BRS3: variants seen among roughly 807,000 people sequenced by gnomAD.
BRS3 encodes the protein bombesin receptor subtype 3.
A neutral mutation model predicts 18.8 loss-of-function variants in BRS3; 5 were observed. The observed-to-expected ratio is 0.27, with a 90% CI of 0.14 to 0.56. The LOEUF is 0.56. Ranked by LOEUF, BRS3 falls within the 20% of genes least tolerant of loss-of-function variation. The pLI, the probability that BRS3 is intolerant of heterozygous loss-of-function variation, is 0.93. For missense variants in BRS3, 215 were observed against 296.3 expected (o/e 0.73, Z 2.01); for synonymous variants, 121 against 115.0 (o/e 1.05, Z -0.33).
rs1211300069 is a variant in BRS3 at position 136,493,427 on chromosome X, A to C, written c.*1052A>C. ...CACTTGTTAATAATTATTGTTTTAA[A>C]AAAAAAAACTCTTGTCAATAGACGT... On this transcript the variant is annotated 3_prime_UTR_variant, in exon 3 of 3. Transcript: ENST00000370648. 1 of 111,923 alleles carries C rather than the reference A, an allele frequency of 8.9e-6. No individual in the cohort carries two copies. The highest frequency in any genetic ancestry group is 1.9e-5 in the Non-Finnish European group (1 of 53,206). 9.2% of individuals were successfully genotyped at this position (111,923 alleles called of 1,213,427 possible). A position where few individuals can be genotyped will look rare whatever the true frequency, so the allele number is the denominator to read the frequency against.
Position 136,491,913 on chromosome X carries a change from G to GGTTTTTTTTT in BRS3, c.787-49_787-48insGTTTTTTTTT, listed in dbSNP as rs2075670791. On this transcript the variant is annotated intron_variant, in intron 2 of 2. Coordinates refer to ENST00000370648, the MANE Select transcript of BRS3 (RefSeq NM_001727.2). ...TTTTTTTGTTGTTGTTGTTTTTTGT[G>GGTTTTTTTTT]TTTTTTTTTTTTTTTTTTTTTTTTT... 7 of 436,964 alleles carry GGTTTTTTTTT rather than the reference G, an allele frequency of 1.6e-5. No homozygotes were observed. The African/African-American group carries it at 3.2e-4, about 20-fold the overall frequency. 36.0% of individuals were successfully genotyped at this position (436,964 alleles called of 1,213,427 possible).
In BRS3 at chrX:136,492,681, T is replaced by A. The variant is rs1444079740; in HGVS notation, c.*306T>A. 1 of 215,650 alleles carries A rather than the reference T, an allele frequency of 4.6e-6. No homozygotes were observed. The highest frequency in any genetic ancestry group is 8.4e-6 in the Non-Finnish European group (1 of 119,697). 17.8% of individuals were successfully genotyped at this position (215,650 alleles called of 1,213,427 possible). On this transcript the variant is annotated 3_prime_UTR_variant, in exon 3 of 3. Coordinates refer to ENST00000370648, the MANE Select transcript of BRS3 (RefSeq NM_001727.2). ...TAATAAACAAGATGAAACTTAAAAA[T>A]CTCATTTGTTGTTTAATCACATCTG...
chrX:136,491,924 T>G (rs779944493), intron 2 of BRS3, 38 bp from the exon 3 acceptor site: 8 of 638,536 alleles, frequency 1.3e-5, no homozygotes, highest in Admixed American at 7.3e-5. Flanking sequence ...TTTTTTTTTT[T>G]TTTTTTTTTT....
Position 136,488,047 on chromosome X carries a change from T to C in BRS3, c.-68T>C. On this transcript the variant is annotated 5_prime_UTR_variant, in exon 1 of 3. Transcript: ENST00000370648. ...ACCATCTCGTTACTAGACGTAGGCATTGGACGTGACAATCAACTGCATTTG... is the reference window on the plus strand; with the variant it reads ...ACCATCTCGTTACTAGACGTAGGCACTGGACGTGACAATCAACTGCATTTG... The C allele has an allele frequency of 9.7e-7, 1 of 1,035,167 alleles. No individual in the cohort carries two copies. 85.3% of individuals were successfully genotyped at this position (1,035,167 alleles called of 1,213,427 possible). A position where few individuals can be genotyped will look rare whatever the true frequency, so the allele number is the denominator to read the frequency against.
At position 136,492,186 on chromosome X, in the gene BRS3, C is replaced by G. The variant is rs1412995876; in HGVS notation, c.1011C>G (p.Phe337Leu). 8.3e-7 allele frequency: 1 copy of G among 1,211,550 alleles called. No individual in the cohort carries two copies. Among genetic ancestry groups the G allele is most frequent in the Admixed American group, 2.2e-5 (1 of 46,016 alleles). ...CTCTCTACTGGCTGAGCAAAAGCTT[C>G]CAGAAGCATTTTAAAGCTCAGTTGT... ...PFALYWLSKS[F>L]QKHFKAQLFC... Residue 337 changes from phenylalanine (F) to leucine (L), a missense_variant, in exon 3 of 3, where the codon TTC (phenylalanine) becomes TTG (leucine). This residue lies in a region of BRS3 where 123 missense variants were observed against 207.6 expected (regional missense o/e 0.59). Transcript: ENST00000370648.
In BRS3 at chrX:136,492,296, C is replaced by G. The variant is rs915047487; in HGVS notation, c.1121C>G (p.Thr374Ser). Residue 374 changes from threonine to serine, a missense_variant, in exon 3 of 3, where the codon ACT becomes AGT. Around this residue, in one of 3 missense-constraint regions of BRS3, gnomAD observed 45 missense variants for 45.5 expected, o/e 0.99. Coordinates refer to ENST00000370648, the MANE Select transcript of BRS3 (RefSeq NM_001727.2). ...TLAVMGTVPG[T>S]GSIQMSEISV... ...GCTGTGATGGGAACGGTCCCGGGCA[C>G]TGGGAGCATACAGATGTCTGAAATT... The G allele has an allele frequency of 8.3e-7, 1 of 1,211,471 alleles. No individual in the cohort carries two copies. Among genetic ancestry groups the G allele is most frequent in the Non-Finnish European group, 1.1e-6 (1 of 895,442 alleles).
Position 136,492,419 on chromosome X carries a change from C to T in BRS3, c.*44C>T, listed in dbSNP as rs750097044. Reference sequence around the variant, plus strand: ...TGCTTCTCCTCCCAGCGTGTGTATCCGACTCTAAGCTGTGTGCAGGTGTAT... The same window carrying T: ...TGCTTCTCCTCCCAGCGTGTGTATCTGACTCTAAGCTGTGTGCAGGTGTAT... On this transcript the variant is annotated 3_prime_UTR_variant, in exon 3 of 3. Coordinates refer to ENST00000370648, the MANE Select transcript of BRS3 (RefSeq NM_001727.2). 3.8e-5 allele frequency: 43 copies of T among 1,142,145 alleles called. No homozygotes were observed. Among genetic ancestry groups the T allele is most frequent in the South Asian group, 6.0e-5 (3 of 49,870 alleles). The allele number at this position is 1,142,145 out of a possible 1,213,427, so 94.1% of individuals were successfully genotyped here.
rs1302999598 is a variant in BRS3 at position 136,488,459 on chromosome X, C to T, written c.345C>T (p.Phe115=). ...ATHYLAEGWL[F]GRIGCKVLSF... Reference sequence around the variant, plus strand: ...ACTACCTTGCAGAAGGATGGCTGTTCGGAAGAATTGGTTGTAAGGTGCTCT... The same window carrying T: ...ACTACCTTGCAGAAGGATGGCTGTTTGGAAGAATTGGTTGTAAGGTGCTCT... The change falls in exon 1 of 3, where the codon TTC becomes TTT. Residue 115 remains phenylalanine, a synonymous_variant. Transcript: ENST00000370648. The T allele has an allele frequency of 5.0e-6, 6 of 1,211,745 alleles. No individual in the cohort carries two copies. In the Admixed American group the frequency reaches 6.5e-5, roughly 13 times the overall value.
rs766182965 is a variant in BRS3 at position 136,488,091 on chromosome X, T to C, written c.-24T>C. ...GCATTTGAACTGAGAAGAAGAAATATTAAAGACACAGTCTTCAGAAGAAAT... is the reference window on the plus strand; with the variant it reads ...GCATTTGAACTGAGAAGAAGAAATACTAAAGACACAGTCTTCAGAAGAAAT... On this transcript the variant is annotated 5_prime_UTR_variant, in exon 1 of 3. Coordinates refer to ENST00000370648, the MANE Select transcript of BRS3 (RefSeq NM_001727.2). The C allele has an allele frequency of 8.6e-7, 1 of 1,167,183 alleles. No homozygotes were observed. The highest frequency in any genetic ancestry group is 1.1e-6 in the Non-Finnish European group (1 of 873,276).
intron 1 of BRS3, among the ~76,000 whole-genome samples, chrX:136,489,094 T>C (rs2075661444): frequency 8.9e-6 from 1 of 112,366 alleles, no homozygotes; most frequent in Non-Finnish European, 1.9e-5. Context: ...CACGTAATTC[T>C]ACTTGTTTTC....
chrX:136,489,346 T>C (rs1335878271), intron 1 of BRS3, among the ~76,000 whole-genome samples: 1 of 111,647 alleles, frequency 9.0e-6, no homozygotes, highest in African/African-American at 3.3e-5. Flanking sequence ...GCCTGCAAGA[T>C]TCCTGTAAGT....
Position 136,490,154 on chromosome X carries a change from A to G in BRS3, c.456A>G (p.Pro152=). The G allele has an allele frequency of 8.3e-7, 1 of 1,198,333 alleles. No individual in the cohort carries two copies. The highest frequency in any genetic ancestry group is 1.1e-6 in the Non-Finnish European group (1 of 886,405). Residue 152 remains proline (P), a synonymous_variant, in exon 2 of 3, where the codon CCA becomes CCG. Transcript: ENST00000370648. ...CTAGATACAAGGCAGTTGTGAAGCC[A>G]CTTGAGCGACAGCCCTCCAATGCCA... ...SADRYKAVVK[P]LERQPSNAIL...
rs1475176106 is a variant in BRS3, at chrX:136,488,541, G to A, written c.427G>A (p.Ala143Thr). ...VSVFTLTILS[A>T]DRYKAVVKPL... Reference sequence around the variant, plus strand: ...AGTGTTCACATTAACAATTCTCAGCGCTGACAGGTGAGTTTCTTTTCTCCA... The same window carrying A: ...AGTGTTCACATTAACAATTCTCAGCACTGACAGGTGAGTTTCTTTTCTCCA... Residue 143 changes from alanine (A) to threonine (T), a missense_variant, in exon 1 of 3, where the codon GCT (alanine) becomes ACT (threonine). Physicochemically the swap from Ala to Thr is moderately conservative, Grantham distance 58. Transcript: ENST00000370648. The A allele has an allele frequency of 2.5e-6, 3 of 1,196,239 alleles. No individual in the cohort carries two copies. Among genetic ancestry groups the A allele is most frequent in the Middle Eastern group, 2.3e-4 (1 of 4,281 alleles).
In BRS3 at chrX:136,487,968, G is replaced by T. The variant is rs1190551346; in HGVS notation, c.-147G>T. The stretch of plus-strand genomic sequence containing the variant: ...AGACACACAGAACTGAAGCAAAGGA[G>T]TATCTGGATGTCTTGGATTTTCTTC... On this transcript the variant is annotated 5_prime_UTR_variant, in exon 1 of 3. Coordinates refer to ENST00000370648, the MANE Select transcript of BRS3 (RefSeq NM_001727.2). The T allele has an allele frequency of 7.7e-6, 4 of 518,561 alleles. No individual in the cohort carries two copies. The highest frequency in any genetic ancestry group is 1.2e-5 in the Non-Finnish European group (4 of 325,593). The allele number at this position is 518,561 out of a possible 1,213,427, so 42.7% of individuals were successfully genotyped here.
At position 136,492,208 on chromosome X, in the gene BRS3, T is replaced by C; in HGVS notation, c.1033T>C (p.Leu345=). ...KSFQKHFKAQ[L]FCCKAERPEP... The stretch of plus-strand genomic sequence containing the variant: ...CTTCCAGAAGCATTTTAAAGCTCAG[T>C]TGTTCTGTTGCAAGGCGGAGCGGCC... The change falls in exon 3 of 3, where the codon TTG becomes CTG. Residue 345 remains leucine, a synonymous_variant. Coordinates refer to ENST00000370648, the MANE Select transcript of BRS3 (RefSeq NM_001727.2). 8.3e-7 allele frequency: 1 copy of C among 1,211,724 alleles called. No homozygotes were observed. The highest frequency in any genetic ancestry group is 1.7e-5 in the African/African-American group (1 of 57,700).
At chrX:136,491,047 A>G (rs991493584) in intron 2 of BRS3, among the ~76,000 whole-genome samples, 15 of 111,378 alleles carry the variant, frequency 1.3e-4, no homozygotes, top group African/African-American at 4.9e-4. Flanking sequence ...GCACGAGAAC[A>G]CAGTGACTCA....
chrX:136,493,268 T>C lies in BRS3; in HGVS notation c.*893T>C, dbSNP rs187689074. The stretch of plus-strand genomic sequence containing the variant: ...TGGGTGTGCAATTGTGATCAGATCA[T>C]CTTCCTGCTTGACTTTATTAAACCC... On this transcript the variant is annotated 3_prime_UTR_variant, in exon 3 of 3. Coordinates refer to ENST00000370648, the MANE Select transcript of BRS3 (RefSeq NM_001727.2). 2.1e-3 allele frequency: 236 copies of C among 111,621 alleles called. No homozygotes were observed. Among genetic ancestry groups the C allele is most frequent in the African/African-American group, 7.5e-3 (229 of 30,721 alleles). The allele number at this position is 111,621 out of a possible 1,213,427, so 9.2% of individuals were successfully genotyped here. A position where few individuals can be genotyped will look rare whatever the true frequency, so the allele number is the denominator to read the frequency against.
chrX:136,492,117 C>T lies in BRS3; in HGVS notation c.942C>T (p.Phe314=). Residue 314 remains phenylalanine (F), a synonymous_variant, in exon 3 of 3, where the codon TTC becomes TTT. Coordinates refer to ENST00000370648, the MANE Select transcript of BRS3 (RefSeq NM_001727.2). The part of the protein sequence containing the change: ...PSAMHFIFTI[F]SRVLAFSNSC... ...CCATGCATTTCATTTTCACCATTTT[C>T]TCTCGGGTTTTGGCTTTCAGCAATT... The T allele has an allele frequency of 8.3e-7, 1 of 1,210,656 alleles. No homozygotes were observed. Among genetic ancestry groups the T allele is most frequent in the Non-Finnish European group, 1.1e-6 (1 of 895,324 alleles).
chrX:136,491,090 C>T (rs950138968), intron 2 of BRS3, among the ~76,000 whole-genome samples: 7 of 111,641 alleles, frequency 6.3e-5, no homozygotes, highest in African/African-American at 9.8e-5. Flanking sequence ...GCAAGAGCCA[C>T]GTGTACCCTC....
Sources: gnomAD v4.1 joint callset for allele counts (sites outside exome capture counted in the v4.1 genomes callset) on GRCh38, gnomAD v4.1.1 for gene constraint, gnomAD v4.1.1 regional missense constraint, MANE v1.5 for transcripts, NCBI Gene and HGNC (gene_info 2026-07-23, HGNC 2026-07-21) for gene names.